The following DHRS12 variants were observed in gnomAD, a reference collection of about 807,000 sequenced individuals.
DHRS12 encodes the protein dehydrogenase/reductase SDR family member 12.
DHRS12 carries 29 observed loss-of-function variants against 32.1 expected under a neutral mutation model. That is an observed-to-expected ratio of 0.90 (90% confidence interval 0.67 to 1.23). The LOEUF (loss-of-function observed/expected upper bound fraction) is 1.23. Ranked by LOEUF, DHRS12 falls within the 50% of genes most tolerant of loss-of-function variation. DHRS12 has a pLI of 0.00. For synonymous variants in DHRS12, 150 were observed against 135.9 expected (o/e 1.10, Z -0.72); for missense variants, 330 against 337.2 (o/e 0.98, Z 0.17).
intron 1 of DHRS12, among the ~76,000 whole-genome samples, chr13:51,800,049 T>G (rs907553876): frequency 1.3e-5 from 2 of 152,014 alleles, no homozygotes; most frequent in African/African-American, 4.8e-5. Flanking sequence ...TTGTGCTTAT[T>G]GCATTGCAGG....
chr13:51,801,325 T>C (rs1225898047), intron 1 of DHRS12, among the ~76,000 whole-genome samples: 3 of 152,164 alleles, frequency 2.0e-5, no homozygotes, highest in Non-Finnish European at 4.4e-5. Flanking sequence ...TAGCTGGGGT[T>C]ATAAGCGCCC....
At chr13:51,790,174 A>AC in intron 3 of DHRS12, 82 bp from the exon 4 acceptor site, 1 of 1,031,096 alleles carries the variant, frequency 9.7e-7, no homozygotes, top group East Asian at 2.8e-5. Context: ...CCACTACCCC[A>AC]CCCCCAGCTC....
At chr13:51,787,683 A>T (rs887995812) in intron 4 of DHRS12, among the ~76,000 whole-genome samples, 1 of 142,440 alleles carries the variant, frequency 7.0e-6, no homozygotes, top group African/African-American at 2.6e-5. Context: ...ATATTATATT[A>T]AAAAGTATAA....
intron 1 of DHRS12, among the ~76,000 whole-genome samples, chr13:51,802,398 T>C (rs976291798): frequency 1.3e-5 from 2 of 152,216 alleles, no homozygotes; most frequent in East Asian, 3.8e-4. Flanking sequence ...GCCAGTGATT[T>C]TGACTCAAGC....
chr13:51,756,674 C>G, the DHRS12 span: 2 of 978,900 alleles, frequency 2.0e-6, no homozygotes, highest in Non-Finnish European at 2.4e-6. Flanking sequence ...AAGAATTCAT[C>G]TCTGTGTTCT....
At chr13:51,766,403 A>G (rs1456581526), downstream of DHRS12, 1 of 152,214 alleles carries the variant, frequency 6.6e-6, no homozygotes, top group Non-Finnish European at 1.5e-5. Context: ...TGCAGTGGGC[A>G]TATTACCGTA....
At chr13:51,778,905 ATATG>A (rs965201529) in intron 4 of DHRS12, among the ~76,000 whole-genome samples, 2 of 152,176 alleles carry the variant, frequency 1.3e-5, no homozygotes, top group African/African-American at 2.4e-5. Flanking sequence ...ATGTGCATAC[ATATG>A]TGTGTACACA....
intron 4 of DHRS12, among the ~76,000 whole-genome samples, chr13:51,779,019 C>A (rs979426169): frequency 6.6e-6 from 1 of 152,046 alleles, no homozygotes; most frequent in African/African-American, 2.4e-5. Context: ...AAAGTCCCAG[C>A]AAGTTCATAC....
intron 8 of DHRS12, chr13:51,768,916 G>T: frequency 7.2e-7 from 1 of 1,388,906 alleles, no homozygotes; most frequent in Non-Finnish European, 9.3e-7. Context: ...TGCCTCTCCC[G>T]TTCTCACAGG....
At chr13:51,796,097 A>C (rs181813915) in intron 2 of DHRS12, among the ~76,000 whole-genome samples, 1,554 of 152,302 alleles carry the variant, frequency 0.01, 15 homozygotes, top group Non-Finnish European at 0.016. Context: ...TGAGGAAATG[A>C]ATGTTCAGGG....
intron 7 of DHRS12, among the ~76,000 whole-genome samples, chr13:51,770,592 C>T (rs11838948): frequency 6.6e-6 from 1 of 152,190 alleles, no homozygotes; most frequent in Non-Finnish European, 1.5e-5. Flanking sequence ...GGCTGAGTCT[C>T]CCCTAGTATA....
At chr13:51,796,262 A>G (rs941719181) in intron 2 of DHRS12, among the ~76,000 whole-genome samples, 2 of 152,172 alleles carry the variant, frequency 1.3e-5, no homozygotes, top group Admixed American at 1.3e-4. Context: ...CTTCATAAGC[A>G]GGGAGGGACA....
intron 4 of DHRS12, among the ~76,000 whole-genome samples, chr13:51,781,683 G>A (rs1954716149): frequency 6.6e-6 from 1 of 152,160 alleles, no homozygotes; most frequent in Admixed American, 6.5e-5. Flanking sequence ...CACAGCCTGT[G>A]CAAAGAGGCC....
chr13:51,766,208 T>C (rs1331488828), downstream of DHRS12: 2 of 152,262 alleles, frequency 1.3e-5, no homozygotes, highest in African/African-American at 4.8e-5. Flanking sequence ...TGACTTTGTT[T>C]TTCAAGGTGC....
intron 4 of DHRS12, among the ~76,000 whole-genome samples, chr13:51,778,390 G>C (rs1954545891): frequency 6.6e-6 from 1 of 152,172 alleles, no homozygotes; most frequent in Admixed American, 6.5e-5. Context: ...CAATTTATTT[G>C]TAGGAGCCTG....
At chr13:51,778,509 T>C (rs1954551693) in intron 4 of DHRS12, among the ~76,000 whole-genome samples, 1 of 152,146 alleles carries the variant, frequency 6.6e-6, no homozygotes, top group Non-Finnish European at 1.5e-5. Flanking sequence ...CGCCGGTGGC[T>C]TTCTCTGTGA....
At chr13:51,781,783 C>T (rs966476068) in intron 4 of DHRS12, among the ~76,000 whole-genome samples, 13 of 152,112 alleles carry the variant, frequency 8.5e-5, no homozygotes, top group African/African-American at 1.9e-4. Context: ...CCAAGGGCAA[C>T]GCCAGAGACA....
chr13:51,774,424 G>A (rs1340807224), intron 5 of DHRS12: 1 of 91,130 alleles, frequency 1.1e-5, no homozygotes. Context: ...TTCTCCTACA[G>A]TATTCTCCTA....
intron 6 of DHRS12, 52 bp from the exon 7 acceptor site, chr13:51,771,963 T>C: frequency 6.3e-7 from 1 of 1,581,886 alleles, no homozygotes; most frequent in Non-Finnish European, 8.7e-7. Context: ...CGCCATTAGG[T>C]GCAAGGGCAG....
Sources: allele counts gnomAD v4.1 joint callset (sites outside exome capture counted in the v4.1 genomes callset), GRCh38; gene constraint gnomAD v4.1.1; transcripts MANE v1.5; gene names NCBI Gene and HGNC (gene_info 2026-07-23, HGNC 2026-07-21).